The following VAV3 variants were observed in gnomAD, a reference collection of about 807,000 sequenced individuals.
VAV3 encodes guanine nucleotide exchange factor VAV3.
A neutral mutation model predicts 131.2 loss-of-function variants in VAV3; 94 were observed. That is an observed-to-expected ratio of 0.72 (90% CI 0.61 to 0.85). The LOEUF is 0.85. Among genes scored for constraint, VAV3 ranks in the 40% least tolerant of loss-of-function variants. The pLI, the probability that VAV3 is intolerant of heterozygous loss-of-function variation, is 0.00. For missense variants in VAV3, 939 were observed against 1,002.7 expected (o/e 0.94, Z 0.86); for synonymous variants, 349 against 342.0 (o/e 1.02, Z -0.22).
chr1:107,613,473 T>C (rs1570613639), intron 21 of VAV3, among the ~76,000 whole-genome samples: 2 of 152,266 alleles, frequency 1.3e-5, no homozygotes, highest in East Asian at 1.9e-4. Flanking sequence ...GTGTCTGATA[T>C]GCCATGTAAT....
At chr1:107,737,309 T>A (rs1316795780) in intron 15 of VAV3, among the ~76,000 whole-genome samples, 2 of 152,000 alleles carry the variant, frequency 1.3e-5, no homozygotes, top group Admixed American at 1.3e-4. Flanking sequence ...GGACTTCATG[T>A]CTAAAACACC....
chr1:107,870,602 T>C (rs1429685573), intron 2 of VAV3, among the ~76,000 whole-genome samples: 1 of 152,158 alleles, frequency 6.6e-6, no homozygotes, highest in Non-Finnish European at 1.5e-5. Flanking sequence ...TTTTCTCTGC[T>C]GACTGTTCAT....
intron 2 of VAV3, among the ~76,000 whole-genome samples, chr1:107,807,714 T>C (rs1412130566): frequency 6.6e-6 from 1 of 152,234 alleles, no homozygotes; most frequent in Non-Finnish European, 1.5e-5. Flanking sequence ...AAAAAGATGC[T>C]AGCAATCCAT....
chr1:107,575,362 A>G (rs1649572400), intron 25 of VAV3, among the ~76,000 whole-genome samples: 1 of 152,096 alleles, frequency 6.6e-6, no homozygotes, highest in Admixed American at 6.5e-5. Context: ...AGAAGTTATG[A>G]CCTGTGTTAC....
chr1:107,696,862 T>C (rs1331858423), intron 17 of VAV3, among the ~76,000 whole-genome samples: 1 of 152,060 alleles, frequency 6.6e-6, no homozygotes, highest in Non-Finnish European at 1.5e-5. Context: ...TTTCCTGCCC[T>C]CCCCTACACC....
chr1:107,709,781 G>A (rs1408165487), intron 15 of VAV3, among the ~76,000 whole-genome samples: 1 of 152,152 alleles, frequency 6.6e-6, no homozygotes, highest in African/African-American at 2.4e-5. Flanking sequence ...GCTGCCATGT[G>A]AGAAAGGACG....
intron 1 of VAV3, among the ~76,000 whole-genome samples, chr1:107,883,662 T>A (rs901789551): frequency 3.9e-5 from 6 of 152,274 alleles, no homozygotes; most frequent in African/African-American, 1.4e-4. Context: ...TTAAGCATGA[T>A]CTTTAGTCTG....
intron 15 of VAV3, among the ~76,000 whole-genome samples, chr1:107,708,951 T>C (rs1015374916): frequency 5.3e-5 from 8 of 151,092 alleles, no homozygotes; most frequent in African/African-American, 2.0e-4. Context: ...CACACACACA[T>C]ACCCCCCCAC....
intron 15 of VAV3, among the ~76,000 whole-genome samples, chr1:107,733,671 C>G (rs1012537580): frequency 6.6e-6 from 1 of 151,484 alleles, no homozygotes; most frequent in Admixed American, 6.6e-5. Flanking sequence ...TGAAATGAAG[C>G]GAGAAGAGAA....
At chr1:107,832,358 A>C (rs1463605291) in intron 2 of VAV3, among the ~76,000 whole-genome samples, 1 of 152,238 alleles carries the variant, frequency 6.6e-6, no homozygotes, top group Non-Finnish European at 1.5e-5. Flanking sequence ...CAGCAAATGC[A>C]TCGGCAGAGC....
chr1:107,626,667 C>T (rs1006577270), intron 20 of VAV3, among the ~76,000 whole-genome samples: 3 of 152,102 alleles, frequency 2.0e-5, no homozygotes, highest in African/African-American at 7.2e-5. Context: ...TCCAACACTG[C>T]CTTAAAAGGA....
intron 1 of VAV3, among the ~76,000 whole-genome samples, chr1:107,958,450 A>G (rs1450542275): frequency 2.6e-5 from 4 of 152,218 alleles, no homozygotes; most frequent in Admixed American, 1.3e-4. Context: ...GCTTAGAAGG[A>G]AATCTCACAG....
chr1:107,821,536 G>C (rs1490834481), intron 2 of VAV3, among the ~76,000 whole-genome samples: 1 of 152,200 alleles, frequency 6.6e-6, no homozygotes, highest in African/African-American at 2.4e-5. Context: ...TCCAGGAAGA[G>C]CACCAGCAAA....
At chr1:107,753,485 T>A (rs1663867395) in intron 12 of VAV3, among the ~76,000 whole-genome samples, 1 of 110,516 alleles carries the variant, frequency 9.0e-6, no homozygotes, top group African/African-American at 3.4e-5. Context: ...TGTGTGTGTG[T>A]ATATATATAC....
chr1:107,626,923 C>T (rs1254499791), intron 20 of VAV3, among the ~76,000 whole-genome samples: 1 of 152,136 alleles, frequency 6.6e-6, no homozygotes, highest in South Asian at 2.1e-4. Flanking sequence ...AATTTTAGAT[C>T]AGGAAGAAAA....
chr1:107,915,392 C>T (rs1198728375), intron 1 of VAV3, among the ~76,000 whole-genome samples: 1 of 152,018 alleles, frequency 6.6e-6, no homozygotes, highest in Non-Finnish European at 1.5e-5. Flanking sequence ...TCTGATAAAC[C>T]AGGTGCAAGT....
intron 20 of VAV3, among the ~76,000 whole-genome samples, chr1:107,637,616 A>C (rs1447279377): frequency 6.6e-6 from 1 of 152,220 alleles, no homozygotes; most frequent in Non-Finnish European, 1.5e-5. Context: ...TGGGCAACAG[A>C]GCGAGACTCC....
chr1:107,950,500 T>C (rs115562851), intron 1 of VAV3, among the ~76,000 whole-genome samples: 193 of 152,172 alleles, frequency 1.3e-3, no homozygotes, highest in African/African-American at 4.4e-3. Flanking sequence ...ACCAGGGGAA[T>C]GACAGAAAGC....
intron 25 of VAV3, among the ~76,000 whole-genome samples, chr1:107,581,199 G>C (rs185276248): frequency 6.6e-6 from 1 of 152,264 alleles, no homozygotes; most frequent in East Asian, 1.9e-4. Context: ...TGGATGCTTC[G>C]TTTAACGGCA....
Sources: gnomAD v4.1 joint callset for allele counts (sites outside exome capture counted in the v4.1 genomes callset) on GRCh38, gnomAD v4.1.1 for gene constraint, MANE v1.5 for transcripts, NCBI Gene and HGNC (gene_info 2026-07-23, HGNC 2026-07-21) for gene names.